Variants in MSH4 observed in about 807,000 individuals in gnomAD.
MSH4 encodes mutS homolog 4.
In MSH4, 106 loss-of-function variants were observed where a neutral mutation model predicts 113.7. That is an observed-to-expected ratio of 0.93 (90% CI 0.80 to 1.10). MSH4 has a LOEUF of 1.10. Among genes scored for constraint, MSH4 ranks in the 50% least tolerant of loss-of-function variants. The pLI, the probability that MSH4 is intolerant of heterozygous loss-of-function variation, is 0.00. For synonymous variants in MSH4, 368 were observed against 380.2 expected, an observed-to-expected ratio of 0.97 and a Z score of 0.37; for missense variants, 1,061 against 1,093.7, an observed-to-expected ratio of 0.97 and a Z score of 0.42.
At chr1:75,844,080 G>A (rs893153467) in intron 7 of MSH4, among the ~76,000 whole-genome samples, 9 of 152,046 alleles carry the variant, frequency 5.9e-5, no homozygotes, top group Non-Finnish European at 4.4e-5. Context: ...CAAAGTGCTG[G>A]GATTACAGGC....
intron 9 of MSH4, among the ~76,000 whole-genome samples, chr1:75,868,030 T>A (rs560098226): frequency 1.3e-5 from 2 of 152,256 alleles, no homozygotes; most frequent in South Asian, 2.1e-4. Flanking sequence ...TCATGTTTTT[T>A]AAAACTCCTT....
intron 8 of MSH4, among the ~76,000 whole-genome samples, chr1:75,854,751 T>C (rs1651279366): frequency 6.6e-6 from 1 of 152,178 alleles, no homozygotes; most frequent in East Asian, 1.9e-4. Context: ...CTAACCTTTT[T>C]TTCTTTGCAT....
chr1:75,840,527 G>T, intron 7 of MSH4, among the ~76,000 whole-genome samples: 1 of 123,610 alleles, frequency 8.1e-6, no homozygotes, highest in Non-Finnish European at 1.7e-5. Context: ...TGTGGGGTGG[G>T]GGAGGGGGGA....
At chr1:75,867,639 CTT>C in intron 9 of MSH4, 51 bp downstream of exon 9, 2 of 1,268,690 alleles carry the variant, frequency 1.6e-6, no homozygotes, top group Non-Finnish European at 2.2e-6. Flanking sequence ...TATTTTTTAA[CTT>C]TTTGTTGGAA....
At position 75,910,535 on chromosome 1, in the gene MSH4, A is replaced by G. The variant is rs575217523; in HGVS notation, c.2620-2161A>G. ...CATTCCACCCGCCTCTTCCTCCCAAAGTGCTGGGATTACAGGCATGAACCA... is the reference window on the plus strand; with the variant it reads ...CATTCCACCCGCCTCTTCCTCCCAAGGTGCTGGGATTACAGGCATGAACCA... On this transcript the variant is annotated intron_variant, in intron 19 of 19. Coordinates refer to ENST00000263187, the MANE Select transcript of MSH4 (RefSeq NM_002440.4). 1.9e-4 allele frequency among the ~76,000 whole-genome samples: 29 copies of G among 151,962 alleles called. 1 individual carries two copies. Among genetic ancestry groups the G allele is most frequent in the African/African-American group, 6.5e-4 (27 of 41,478 alleles).
At chr1:75,851,159 G>T (rs1651178384) in intron 8 of MSH4, among the ~76,000 whole-genome samples, 1 of 150,976 alleles carries the variant, frequency 6.6e-6, no homozygotes, top group East Asian at 1.9e-4. Flanking sequence ...TTTTAATTGA[G>T]GTATTTATTA....
intron 7 of MSH4, among the ~76,000 whole-genome samples, chr1:75,843,188 C>G (rs1439693450): frequency 6.6e-6 from 1 of 152,210 alleles, no homozygotes; most frequent in Non-Finnish European, 1.5e-5. Flanking sequence ...ACACTCTTTA[C>G]CCTGCCCCTT....
intron 16 of MSH4, among the ~76,000 whole-genome samples, chr1:75,890,437 A>G (rs1313796661): frequency 6.6e-6 from 1 of 152,070 alleles, no homozygotes; most frequent in Non-Finnish European, 1.5e-5. Flanking sequence ...TAAAGCATCA[A>G]TATTTTAGAT....
chr1:75,908,521 A>G (rs1021732414), intron 19 of MSH4, among the ~76,000 whole-genome samples: 4 of 151,980 alleles, frequency 2.6e-5, no homozygotes, highest in Non-Finnish European at 4.4e-5. Context: ...GAGTTCATGA[A>G]TTTTCTTAAA....
At chr1:75,797,254 T>C in intron 1 of MSH4, 25 bp downstream of exon 1, 4 of 1,587,056 alleles carry the variant, frequency 2.5e-6, no homozygotes, top group Non-Finnish European at 3.4e-6. Flanking sequence ...GGTGGAGGAG[T>C]CTCCTTGAGG....
intron 15 of MSH4, among the ~76,000 whole-genome samples, chr1:75,885,123 CTT>C (rs747340671): frequency 7.2e-6 from 1 of 139,546 alleles, no homozygotes; most frequent in East Asian, 2.0e-4. Flanking sequence ...GGTTGAGAAA[CTT>C]TTTGATGGAG....
At position 75,810,793 on chromosome 1, in the gene MSH4, A is replaced by G. The variant is rs776397272; in HGVS notation, c.685A>G (p.Thr229Ala). The G allele has an allele frequency of 6.4e-7, 1 of 1,562,018 alleles. No individual in the cohort carries two copies. Among genetic ancestry groups the G allele is most frequent in the South Asian group, 1.2e-5 (1 of 83,406 alleles). Residue 229 changes from threonine to alanine, a missense_variant, in exon 4 of 20, where the codon ACA becomes GCA. Physicochemically the swap from Thr to Ala is moderately conservative, Grantham distance 58. Transcript: ENST00000263187. The stretch of plus-strand genomic sequence containing the variant: ...TTCCACCAAGTTGTTCACTCTGATC[A>G]CAGAAAATTTCAAGGTAAGTGATGT... ...GNSTKLFTLITENFKNVNFTT... is the reference protein window; with the variant it reads ...GNSTKLFTLIAENFKNVNFTT...
At chr1:75,846,695 G>A (rs190404292) in intron 7 of MSH4, among the ~76,000 whole-genome samples, 7 of 152,220 alleles carry the variant, frequency 4.6e-5, no homozygotes. Context: ...CAACATTCCA[G>A]ACTTTCCTTA....
chr1:75,885,045 G>A (rs1046398510), intron 15 of MSH4, among the ~76,000 whole-genome samples: 6,575 of 107,102 alleles, frequency 0.061, 311 homozygotes, highest in East Asian at 0.17. Flanking sequence ...GTGTGTGTGT[G>A]TGTGTGTGTG....
chr1:75,816,243 A>G, intron 5 of MSH4, 130 bp from the exon 6 acceptor site: 1 of 487,884 alleles, frequency 2.0e-6, no homozygotes, highest in Non-Finnish European at 3.4e-6. Context: ...CAAAAATATG[A>G]AATACCTGGT....
chr1:75,813,735 G>C (rs919256596), intron 4 of MSH4, among the ~76,000 whole-genome samples: 8 of 152,032 alleles, frequency 5.3e-5, no homozygotes, highest in Non-Finnish European at 1.5e-5. Flanking sequence ...CATTAGCCAG[G>C]TGTAGTGACA....
intron 7 of MSH4, among the ~76,000 whole-genome samples, chr1:75,837,062 G>A (rs1256706287): frequency 6.6e-6 from 1 of 152,178 alleles, no homozygotes; most frequent in Non-Finnish European, 1.5e-5. Flanking sequence ...CACCTTCAAG[G>A]TGATAGTATT....
At chr1:75,884,967 A>G (rs1226880882) in intron 15 of MSH4, among the ~76,000 whole-genome samples, 1 of 138,842 alleles carries the variant, frequency 7.2e-6, no homozygotes, top group African/African-American at 2.6e-5. Flanking sequence ...GTATATATGT[A>G]TATGTATGTA....
At position 75,803,901 on chromosome 1, in the gene MSH4, G is replaced by A; in HGVS notation, c.415G>A (p.Val139Met). 6.6e-7 allele frequency: 1 copy of A among 1,511,956 alleles called. No individual in the cohort carries two copies. Among genetic ancestry groups the A allele is most frequent in the Non-Finnish European group, 8.8e-7 (1 of 1,131,674 alleles). The allele number at this position is 1,511,956 out of a possible 1,614,324, so 93.7% of individuals were successfully genotyped here. A position where few individuals can be genotyped will look rare whatever the true frequency, so the allele number is the denominator to read the frequency against. Residue 139 changes from valine to methionine, a missense_variant, in exon 2 of 20, where the codon GTG becomes ATG. Physicochemically the swap from Val to Met is conservative, Grantham distance 21. Transcript: ENST00000263187. Reference protein sequence around the residue: ...RSGYKSWTPQVGYSASSSSAI... With the variant: ...RSGYKSWTPQMGYSASSSSAI... Reference sequence around the variant, plus strand: ...AGGTTATAAGAGCTGGACACCACAAGTGGGATATTCAGGTAAAATAAGTGG... The same window carrying A: ...AGGTTATAAGAGCTGGACACCACAAATGGGATATTCAGGTAAAATAAGTGG...
Sources: allele counts gnomAD v4.1 joint callset (sites outside exome capture counted in the v4.1 genomes callset), GRCh38; gene constraint gnomAD v4.1.1; transcripts MANE v1.5; gene names NCBI Gene and HGNC (gene_info 2026-07-23, HGNC 2026-07-21).